Variants in CAST observed in about 807,000 individuals in gnomAD.
The protein encoded by CAST is calpastatin, also known as MIR583 host.
Under a neutral mutation model 119.6 loss-of-function variants are expected in CAST, and 76 were observed. That is an observed-to-expected ratio of 0.64 (90% CI 0.53 to 0.77). The LOEUF is 0.77. CAST is among the 30% of genes least tolerant of loss of function. CAST has a pLI of 0.00. For synonymous variants in CAST, 319 were observed against 331.6 expected (o/e 0.96, Z 0.41); for missense variants, 953 against 946.5 (o/e 1.01, Z -0.09).
chr5:96,499,052 GA>G, the CAST span, among the ~76,000 whole-genome samples: 6 of 141,574 alleles, frequency 4.2e-5, no homozygotes, highest in Non-Finnish European at 7.8e-5. Flanking sequence ...AAAGAAAAAA[GA>G]AAAAAAGAAA....
the CAST span, among the ~76,000 whole-genome samples, chr5:96,128,088 T>C: frequency 6.6e-6 from 1 of 152,158 alleles, no homozygotes; most frequent in African/African-American, 2.4e-5. Context: ...TAAGCACTTT[T>C]TGGAATTTCA....
At chr5:96,058,025 G>C in the CAST span, among the ~76,000 whole-genome samples, 9 of 152,180 alleles carry the variant, frequency 5.9e-5, no homozygotes, top group African/African-American at 2.2e-4. Context: ...ATTGATTCTT[G>C]ACCTTATTCA....
chr5:96,759,081 A>G (rs1005075465), intron 24 of CAST, among the ~76,000 whole-genome samples: 1 of 152,214 alleles, frequency 6.6e-6, no homozygotes, highest in African/African-American at 2.4e-5. Context: ...AAATGGTGAG[A>G]TGAAACAACC....
chr5:96,350,336 C>T, the CAST span, among the ~76,000 whole-genome samples: 4 of 152,212 alleles, frequency 2.6e-5, no homozygotes, highest in African/African-American at 9.6e-5. Flanking sequence ...GAGGAATAGT[C>T]ACTTATGCCT....
chr5:96,160,041 G>A, the CAST span, among the ~76,000 whole-genome samples: 1 of 151,906 alleles, frequency 6.6e-6, no homozygotes, highest in Non-Finnish European at 1.5e-5. Flanking sequence ...TTGGGAGCCT[G>A]AGGCATGAGA....
the CAST span, among the ~76,000 whole-genome samples, chr5:96,040,270 G>C: frequency 0.044 from 6,739 of 152,216 alleles, 217 homozygotes; most frequent in East Asian, 0.17. Context: ...AGGAGATTTT[G>C]GGCTGGGACG....
At chr5:96,397,589 G>T in the CAST span, 1 of 900,832 alleles carries the variant, frequency 1.1e-6, no homozygotes, top group Non-Finnish European at 1.8e-6. Context: ...TTCTCTTTTA[G>T]TATAAGACCA....
rs146304654 is a variant in CAST at position 96,542,364 on chromosome 5, C to G, written c.60+12484C>G. Among the ~76,000 whole-genome samples the G allele has an allele frequency of 4.6e-5, 7 of 151,782 alleles. 1 individual carries two copies. The highest frequency in any genetic ancestry group is 1.7e-4 in the African/African-American group (7 of 41,398). ...AGTTTTGTAAGAAACTGTCAAACTG[C>G]CTTCCAAAGTAGCTTTACCATTTTG... On this transcript the variant is annotated intron_variant, in intron 1 of 11. Coordinates refer to the CAST transcript ENST00000505143.
At chr5:96,170,032 T>A in the CAST span, among the ~76,000 whole-genome samples, 3 of 151,816 alleles carry the variant, frequency 2.0e-5, no homozygotes, top group African/African-American at 7.3e-5. Context: ...TAATGTGGAG[T>A]GGGTAGCCTC....
the CAST span, among the ~76,000 whole-genome samples, chr5:96,060,928 A>T: frequency 2.6e-5 from 4 of 152,184 alleles, no homozygotes; most frequent in African/African-American, 9.6e-5. Context: ...CTTGGCTTGC[A>T]GATGGCTGGC....
At chr5:96,145,515 T>C in the CAST span, among the ~76,000 whole-genome samples, 1 of 152,142 alleles carries the variant, frequency 6.6e-6, no homozygotes, top group African/African-American at 2.4e-5. Context: ...AGAGCCAAGG[T>C]TGGAGAAACA....
intron 27 of CAST, among the ~76,000 whole-genome samples, chr5:96,766,919 A>G (rs1014930769): frequency 2.0e-5 from 3 of 152,174 alleles, no homozygotes; most frequent in Non-Finnish European, 4.4e-5. Context: ...ACAGGAACCA[A>G]TTCTCCTTGC....
At chr5:95,967,161 G>A in the CAST span, among the ~76,000 whole-genome samples, 1 of 152,086 alleles carries the variant, frequency 6.6e-6, no homozygotes, top group Non-Finnish European at 1.5e-5. Flanking sequence ...GGGTGGGGAG[G>A]GAATGTTTGT....
the CAST span, among the ~76,000 whole-genome samples, chr5:96,078,540 T>C: frequency 6.6e-6 from 1 of 152,094 alleles, no homozygotes. Flanking sequence ...ATTACAGGAA[T>C]GTGCCACCAC....
chr5:96,243,309 ATTT>A, the CAST span, among the ~76,000 whole-genome samples: 1 of 145,694 alleles, frequency 6.9e-6, no homozygotes, highest in Non-Finnish European at 1.5e-5. Flanking sequence ...TCAATAGAGA[ATTT>A]TTTTTTTTTT....
At chr5:96,074,304 C>A in the CAST span, among the ~76,000 whole-genome samples, 1 of 152,160 alleles carries the variant, frequency 6.6e-6, no homozygotes, top group Non-Finnish European at 1.5e-5. Flanking sequence ...TCTAACACCC[C>A]CAGTGTGGTG....
chr5:96,510,437 G>A, the CAST span, among the ~76,000 whole-genome samples: 2 of 152,128 alleles, frequency 1.3e-5, no homozygotes, highest in East Asian at 3.8e-4. Context: ...TTGTAGCAGG[G>A]TGAGAATATC....
the CAST span, among the ~76,000 whole-genome samples, chr5:96,162,760 A>G: frequency 6.6e-6 from 1 of 152,122 alleles, no homozygotes; most frequent in South Asian, 2.1e-4. Flanking sequence ...GGGATAGTTT[A>G]TCATGGTGTA....
the CAST span, among the ~76,000 whole-genome samples, chr5:96,222,667 G>A: frequency 8.5e-5 from 13 of 152,104 alleles, no homozygotes; most frequent in South Asian, 4.1e-4. Context: ...TGATGGGAAT[G>A]TAAGTTAGTA....
Sources: allele counts gnomAD v4.1 joint callset (sites outside exome capture counted in the v4.1 genomes callset), GRCh38; gene constraint gnomAD v4.1.1; transcripts MANE v1.5; gene names NCBI Gene and HGNC (gene_info 2026-07-23, HGNC 2026-07-21).